FHIT: variants seen among roughly 807,000 people sequenced by gnomAD.
FHIT encodes the protein fragile histidine triad diadenosine triphosphatase.
FHIT carries 19 observed loss-of-function variants against 17.9 expected under a neutral mutation model. That is an observed-to-expected ratio of 1.06 (90% confidence interval 0.74 to 1.56). The LOEUF (loss-of-function observed/expected upper bound fraction) is 1.56, where lower values mean the gene tolerates loss of function less well. FHIT is among the 40% of genes most tolerant of loss of function. FHIT has a pLI of 0.00. For synonymous variants in FHIT, 81 were observed against 69.7 expected (o/e 1.16, Z -0.81); for missense variants, 248 against 189.2 (o/e 1.31, Z -1.82).
chr3:60,493,914 A>C (rs242222), intron 5 of FHIT, among the ~76,000 whole-genome samples: 6,929 of 152,166 alleles, frequency 0.046, 206 homozygotes, highest in Middle Eastern at 0.11. Flanking sequence ...AGCTCAGAAA[A>C]AATCATTTTG....
At chr3:60,305,251 G>T (rs1197251793) in intron 5 of FHIT, among the ~76,000 whole-genome samples, 1 of 152,090 alleles carries the variant, frequency 6.6e-6, no homozygotes, top group African/African-American at 2.4e-5. Context: ...GTATCCTGAA[G>T]AAGTCCTTGT....
At chr3:60,435,573 C>G (rs970365696) in intron 5 of FHIT, among the ~76,000 whole-genome samples, 4 of 151,912 alleles carry the variant, frequency 2.6e-5, no homozygotes, top group Non-Finnish European at 5.9e-5. Context: ...AAAGCTTAGG[C>G]CTTCTTTTGG....
intron 8 of FHIT, among the ~76,000 whole-genome samples, chr3:59,796,569 G>A (rs958846081): frequency 6.6e-5 from 10 of 152,056 alleles, no homozygotes; most frequent in African/African-American, 9.7e-5. Flanking sequence ...GATAATCCTC[G>A]TCCTCCTTCT....
chr3:60,563,242 A>T (rs1576885388), intron 4 of FHIT, among the ~76,000 whole-genome samples: 1 of 152,122 alleles, frequency 6.6e-6, no homozygotes, highest in East Asian at 1.9e-4. Flanking sequence ...ATGTCTTGGG[A>T]GAAGAGCTAA....
At chr3:60,144,924 A>C (rs1700177000) in intron 5 of FHIT, among the ~76,000 whole-genome samples, 1 of 152,180 alleles carries the variant, frequency 6.6e-6, no homozygotes, top group South Asian at 2.1e-4. Context: ...ATATTATGCC[A>C]AATAGAAAGC....
At position 60,635,716 on chromosome 3, in the gene FHIT, G is replaced by A. The variant is rs145080651; in HGVS notation, c.-17-98737C>T. 3.4e-3 allele frequency among the ~76,000 whole-genome samples: 522 copies of A among 152,184 alleles called. 2 individuals are homozygous for A. Among genetic ancestry groups the A allele is most frequent in the African/African-American group, 0.012 (503 of 41,512 alleles). ...GCCTAAGACTGCATAGTAAGTGGCC[G>A]AGTCAGAATTGGAACTCTGAGCCCA... On this transcript the variant is annotated intron_variant, in intron 4 of 9. Coordinates refer to ENST00000492590, the MANE Select transcript of FHIT (RefSeq NM_002012.4).
chr3:60,762,523 G>T (rs1368309188), intron 4 of FHIT, among the ~76,000 whole-genome samples: 1 of 152,158 alleles, frequency 6.6e-6, no homozygotes, highest in Non-Finnish European at 1.5e-5. Flanking sequence ...ACTGTGTCCC[G>T]CTGGCACTTT....
rs114659938 is a variant in FHIT at position 60,341,443 on chromosome 3, G to A, written c.103+195417C>T. Among the ~76,000 whole-genome samples the A allele has an allele frequency of 3.4e-3, 513 of 152,266 alleles. 4 individuals are homozygous for A. The highest frequency in any genetic ancestry group is 7.2e-3 in the Admixed American group (110 of 15,296). ...CAGAAGCCTGGAGAACCAGGCCCACGTGGAGACAAAGGCAGGATTGAATGA... is the reference window on the plus strand; with the variant it reads ...CAGAAGCCTGGAGAACCAGGCCCACATGGAGACAAAGGCAGGATTGAATGA... On this transcript the variant is annotated intron_variant, in intron 5 of 9. Transcript: ENST00000492590.
chr3:60,731,377 G>T (rs2042026113), intron 4 of FHIT, among the ~76,000 whole-genome samples: 1 of 152,206 alleles, frequency 6.6e-6, no homozygotes, highest in Non-Finnish European at 1.5e-5. Flanking sequence ...GAGCTGGAAT[G>T]AAAGGAAGTA....
At chr3:60,215,578 A>G (rs1703662456) in intron 5 of FHIT, among the ~76,000 whole-genome samples, 1 of 152,186 alleles carries the variant, frequency 6.6e-6, no homozygotes, top group South Asian at 2.1e-4. Context: ...ATAAAATAAA[A>G]TAAAATAAAA....
At chr3:60,181,084 G>C (rs1189847552) in intron 5 of FHIT, among the ~76,000 whole-genome samples, 3 of 151,300 alleles carry the variant, frequency 2.0e-5, no homozygotes, top group African/African-American at 7.3e-5. Flanking sequence ...ACAAAATAAA[G>C]TTGCACCAGG....
intron 3 of FHIT, among the ~76,000 whole-genome samples, chr3:60,975,065 G>T (rs1212404599): frequency 6.6e-6 from 1 of 152,134 alleles, no homozygotes; most frequent in East Asian, 1.9e-4. Context: ...CAGGAGAAAG[G>T]CTGCAAATAA....
intron 3 of FHIT, among the ~76,000 whole-genome samples, chr3:60,934,466 G>A (rs984344490): frequency 2.0e-5 from 3 of 152,130 alleles, no homozygotes; most frequent in Admixed American, 6.5e-5. Context: ...CCCTGAGGCC[G>A]CTGGACAGAT....
chr3:60,423,878 T>A (rs1035761850), intron 5 of FHIT, among the ~76,000 whole-genome samples: 1 of 152,260 alleles, frequency 6.6e-6, no homozygotes, highest in Non-Finnish European at 1.5e-5. Flanking sequence ...CCTAATACCA[T>A]AACAAAATCA....
chr3:60,204,020 T>C (rs60738633), intron 5 of FHIT, among the ~76,000 whole-genome samples: 41,408 of 152,056 alleles, frequency 0.27, 6,085 homozygotes, highest in African/African-American at 0.35. Context: ...TAGTGTTTGA[T>C]AGCACAACAA....
chr3:61,030,219 C>G (rs550322903), intron 3 of FHIT, among the ~76,000 whole-genome samples: 2 of 152,228 alleles, frequency 1.3e-5, no homozygotes, highest in Non-Finnish European at 2.9e-5. Context: ...ATCCACCCAC[C>G]TCAGCCTCCC....
chr3:60,061,448 T>G (rs1016162507), intron 5 of FHIT, among the ~76,000 whole-genome samples: 1 of 152,176 alleles, frequency 6.6e-6, no homozygotes, highest in Non-Finnish European at 1.5e-5. Context: ...AGCTTTCCTT[T>G]TTTATGCTCT....
chr3:60,666,913 G>GACA, intron 4 of FHIT, among the ~76,000 whole-genome samples: 1 of 129,108 alleles, frequency 7.7e-6, no homozygotes, highest in East Asian at 2.3e-4. Flanking sequence ...ACAGGGCAGT[G>GACA]ACATAATCAA....
At chr3:61,069,463 C>T (rs1168673877) in intron 2 of FHIT, among the ~76,000 whole-genome samples, 1 of 152,166 alleles carries the variant, frequency 6.6e-6, no homozygotes, top group Non-Finnish European at 1.5e-5. Flanking sequence ...TAACGTGTAG[C>T]CATGATTAAG....
Sources: gnomAD v4.1 joint callset for allele counts (sites outside exome capture counted in the v4.1 genomes callset) on GRCh38, gnomAD v4.1.1 for gene constraint, MANE v1.5 for transcripts, NCBI Gene and HGNC (gene_info 2026-07-23, HGNC 2026-07-21) for gene names.